LARS2: variants seen among roughly 807,000 people sequenced by gnomAD.
LARS2 encodes the protein leucine--tRNA ligase, mitochondrial.
A neutral mutation model predicts 116.6 loss-of-function variants in LARS2; 81 were observed. The observed-to-expected ratio is 0.69, with a 90% CI of 0.58 to 0.84. The LOEUF is 0.84. Among genes scored for constraint, LARS2 ranks in the 40% least tolerant of loss-of-function variants. LARS2 has a pLI of 0.00. For synonymous variants in LARS2, 396 were observed against 407.2 expected, an observed-to-expected ratio of 0.97 and a Z score of 0.33; for missense variants, 968 against 1,114.5, an observed-to-expected ratio of 0.87 and a Z score of 1.87.
chr3:45,522,452 C>T (rs1458675565), intron 19 of LARS2, among the ~76,000 whole-genome samples: 1 of 152,196 alleles, frequency 6.6e-6, no homozygotes, highest in Admixed American at 6.5e-5. Flanking sequence ...GACACAAGGC[C>T]AGGCACAGTG....
intron 20 of LARS2, among the ~76,000 whole-genome samples, chr3:45,534,107 A>C (rs1192294478): frequency 6.6e-6 from 1 of 152,198 alleles, no homozygotes; most frequent in African/African-American, 2.4e-5. Context: ...TTACAGATCT[A>C]TAGCAACTCA....
chr3:45,413,969 C>CTCA (rs748761877), intron 4 of LARS2, among the ~76,000 whole-genome samples: 33 of 152,174 alleles, frequency 2.2e-4, no homozygotes, highest in Non-Finnish European at 4.0e-4. Context: ...ACTCCAGGTG[C>CTCA]TCATGTGCAG....
intron 15 of LARS2, among the ~76,000 whole-genome samples, chr3:45,508,393 G>T (rs917661983): frequency 5.9e-5 from 9 of 152,046 alleles, no homozygotes; most frequent in African/African-American, 2.2e-4. Flanking sequence ...CTCCTTCTGC[G>T]CCACTAACTG....
At chr3:45,482,813 A>G (rs780891231) in intron 10 of LARS2, among the ~76,000 whole-genome samples, 2 of 152,196 alleles carry the variant, frequency 1.3e-5, no homozygotes, top group Non-Finnish European at 2.9e-5. Context: ...GCATGTGTGA[A>G]AAGTCTACTT....
At chr3:45,541,128 C>T (rs1339579421) in intron 20 of LARS2, among the ~76,000 whole-genome samples, 2 of 152,320 alleles carry the variant, frequency 1.3e-5, no homozygotes, top group East Asian at 3.9e-4. Flanking sequence ...GCACTGGCCA[C>T]TGCAGCTGCA....
intron 4 of LARS2, among the ~76,000 whole-genome samples, chr3:45,409,762 G>C (rs1193922473): frequency 1.3e-5 from 2 of 152,142 alleles, no homozygotes; most frequent in African/African-American, 4.8e-5. Context: ...CTGGCTCATG[G>C]TGGGAAGAAC....
At chr3:45,424,152 A>T (rs56991752) in intron 6 of LARS2, among the ~76,000 whole-genome samples, 1 of 152,160 alleles carries the variant, frequency 6.6e-6, no homozygotes, top group Non-Finnish European at 1.5e-5. Context: ...ATTTGTGTCT[A>T]TTTGTGTGTG....
intron 2 of LARS2, among the ~76,000 whole-genome samples, chr3:45,392,666 G>A (rs1697976175): frequency 6.6e-6 from 1 of 152,056 alleles, no homozygotes; most frequent in Non-Finnish European, 1.5e-5. Context: ...TTAATGTAGT[G>A]AGAACTGATA....
At chr3:45,443,729 T>C (rs540170937) in intron 6 of LARS2, among the ~76,000 whole-genome samples, 3 of 152,320 alleles carry the variant, frequency 2.0e-5, no homozygotes, top group Middle Eastern at 3.4e-3. Flanking sequence ...GTGATTGGAA[T>C]AATGGTCCGG....
At chr3:45,390,160 T>A (rs1697914694) in intron 1 of LARS2, among the ~76,000 whole-genome samples, 2 of 152,238 alleles carry the variant, frequency 1.3e-5, no homozygotes, top group Admixed American at 1.3e-4. Context: ...TCTTTTCATT[T>A]GCCAATCTGG....
At chr3:45,409,751 T>C (rs1276366468) in intron 4 of LARS2, among the ~76,000 whole-genome samples, 2 of 152,324 alleles carry the variant, frequency 1.3e-5, no homozygotes, top group East Asian at 3.9e-4. Flanking sequence ...ATTCCAGTGC[T>C]CTGGCTCATG....
intron 6 of LARS2, among the ~76,000 whole-genome samples, chr3:45,438,771 G>A (rs1698850232): frequency 6.6e-6 from 1 of 152,042 alleles, no homozygotes; most frequent in South Asian, 2.1e-4. Context: ...GGAGGCGGAG[G>A]TTGCAGTGAG....
At chr3:45,536,479 T>C (rs1700706799) in intron 20 of LARS2, among the ~76,000 whole-genome samples, 1 of 152,206 alleles carries the variant, frequency 6.6e-6, no homozygotes, top group Non-Finnish European at 1.5e-5. Flanking sequence ...TACTACTGTC[T>C]GAGGCAGGCA....
intron 6 of LARS2, among the ~76,000 whole-genome samples, chr3:45,431,773 G>A (rs886867669): frequency 6.7e-6 from 1 of 150,366 alleles, no homozygotes; most frequent in Non-Finnish European, 1.5e-5. Context: ...AAGCTACAAG[G>A]CATATGAAAA....
At chr3:45,456,147 T>C (rs902010877) in intron 7 of LARS2, among the ~76,000 whole-genome samples, 16 of 152,118 alleles carry the variant, frequency 1.1e-4, no homozygotes, top group African/African-American at 3.9e-4. Flanking sequence ...AAAGAGTAAA[T>C]TTATCACCAC....
chr3:45,488,485 A>G (rs1032870338), intron 11 of LARS2, among the ~76,000 whole-genome samples: 2 of 152,214 alleles, frequency 1.3e-5, no homozygotes, highest in Non-Finnish European at 2.9e-5. Flanking sequence ...TAAAGGAAGT[A>G]ATACCAATAT....
At chr3:45,440,220 A>G (rs150298018) in intron 6 of LARS2, among the ~76,000 whole-genome samples, 24 of 152,298 alleles carry the variant, frequency 1.6e-4, no homozygotes, top group African/African-American at 5.3e-4. Context: ...AAGCTGCACA[A>G]TAGGAATGCC....
Position 45,485,894 on chromosome 3 carries a change from T to G in LARS2, c.1123+98T>G, listed in dbSNP as rs986646577. On this transcript the variant is annotated intron_variant, in intron 11 of 21. Transcript: ENST00000645846. ...GTCATCTGGAAGAGCTGACTATAGA[T>G]TCCATGGTCTGATTTGCCTCCTCAT... The G allele has an allele frequency of 1.2e-5, 8 of 647,852 alleles. No homozygotes were observed. In the East Asian group the frequency reaches 2.2e-4, roughly 18 times the overall value. 40.1% of individuals were successfully genotyped at this position (647,852 alleles called of 1,614,324 possible). A position where few individuals can be genotyped will look rare whatever the true frequency, so the allele number is the denominator to read the frequency against.
intron 4 of LARS2, among the ~76,000 whole-genome samples, chr3:45,414,950 T>TA: frequency 1.3e-5 from 2 of 152,324 alleles, no homozygotes; most frequent in Middle Eastern, 6.8e-3. Flanking sequence ...CTGAATTTTG[T>TA]AAGCAGTGTG....
Sources: allele counts gnomAD v4.1 joint callset (sites outside exome capture counted in the v4.1 genomes callset), GRCh38; gene constraint gnomAD v4.1.1; transcripts MANE v1.5; gene names NCBI Gene and HGNC (gene_info 2026-07-23, HGNC 2026-07-21).